Variants in PPP2R3A observed in about 807,000 individuals in gnomAD.
PPP2R3A encodes serine/threonine-protein phosphatase 2A regulatory subunit B'' subunit alpha.
In PPP2R3A, 80 loss-of-function variants were observed where a neutral mutation model predicts 106.9. The ratio of observed to expected loss-of-function variants is 0.75; its 90% CI spans 0.62 to 0.90. The LOEUF (loss-of-function observed/expected upper bound fraction) is 0.90. Among genes scored for constraint, PPP2R3A ranks in the 40% least tolerant of loss-of-function variants. The pLI is 0.00. For missense variants in PPP2R3A, 1,386 were observed against 1,350.4 expected (o/e 1.03, Z -0.41); for synonymous variants, 483 against 468.3 (o/e 1.03, Z -0.41).
At chr3:136,140,451 A>G (rs566301882) in intron 13 of PPP2R3A, among the ~76,000 whole-genome samples, 3,369 of 149,888 alleles carry the variant, frequency 0.022, 52 homozygotes, top group Non-Finnish European at 0.033. Flanking sequence ...TTAAAAAAAA[A>G]AAAAAAAAAA....
At chr3:136,054,855 C>G (rs977964252) in intron 5 of PPP2R3A, among the ~76,000 whole-genome samples, 3 of 152,148 alleles carry the variant, frequency 2.0e-5, no homozygotes, top group Non-Finnish European at 4.4e-5. Context: ...GTCTCAATTT[C>G]CTGTTTGCAA....
rs1933696602 is a variant in PPP2R3A at position 136,002,957 on chromosome 3, T to A, written c.1459T>A (p.Ser487Thr). Reference sequence around the variant, plus strand: ...TAATCTACCTAAGGAAGACTGTAAATCAAAAGTTTCTAAATTTGAAGAGGG... The same window carrying A: ...TAATCTACCTAAGGAAGACTGTAAAACAAAAGTTTCTAAATTTGAAGAGGG... ...FVNLPKEDCK[S>T]KVSKFEEGDQ... Residue 487 changes from serine to threonine, a missense_variant, in exon 2 of 14, where the codon TCA (serine) becomes ACA (threonine). Physicochemically the swap from Ser to Thr is moderately conservative, Grantham distance 58 (BLOSUM62 1). Transcript: ENST00000264977. 2 of 1,612,468 alleles carry A rather than the reference T, an allele frequency of 1.2e-6. No homozygotes were observed. Among genetic ancestry groups the A allele is most frequent in the Non-Finnish European group, 1.7e-6 (2 of 1,179,624 alleles).
At chr3:136,031,407 C>T (rs755669770) in intron 3 of PPP2R3A, among the ~76,000 whole-genome samples, 1 of 152,066 alleles carries the variant, frequency 6.6e-6, no homozygotes, top group East Asian at 1.9e-4. Context: ...GATATTAGTC[C>T]TTTGTCAGAT....
At chr3:136,138,941 C>T (rs958709496) in intron 13 of PPP2R3A, among the ~76,000 whole-genome samples, 11 of 151,850 alleles carry the variant, frequency 7.2e-5, no homozygotes, top group South Asian at 2.1e-4. Context: ...GAACTCCCAA[C>T]CTCAGGTGAT....
intron 13 of PPP2R3A, among the ~76,000 whole-genome samples, chr3:136,113,044 A>G (rs1189744750): frequency 1.3e-5 from 2 of 152,098 alleles, no homozygotes; most frequent in Non-Finnish European, 1.5e-5. Context: ...GAGGCAGGAA[A>G]ATCGCTTGAG....
At chr3:136,062,578 C>T (rs1028888375) in intron 5 of PPP2R3A, among the ~76,000 whole-genome samples, 29 of 151,986 alleles carry the variant, frequency 1.9e-4, no homozygotes, top group African/African-American at 5.5e-4. Flanking sequence ...ATTAGCCAGG[C>T]GTGGTGGTGG....
chr3:136,068,928 TGTG>T (rs1422274751), intron 5 of PPP2R3A, among the ~76,000 whole-genome samples: 19 of 152,224 alleles, frequency 1.2e-4, no homozygotes, highest in African/African-American at 4.6e-4. Context: ...CTGCCAAAAA[TGTG>T]TAACCTTAAT....
In PPP2R3A at chr3:136,146,852, T is replaced by C. The variant is rs1052452209; in HGVS notation, c.*1686T>C. 7 of 151,594 alleles carry C rather than the reference T, an allele frequency of 4.6e-5. No homozygotes were observed. The highest frequency in any genetic ancestry group is 1.7e-4 in the African/African-American group (7 of 41,174). The allele number at this position is 151,594 out of a possible 1,614,324, so 9.4% of individuals were successfully genotyped here. On this transcript the variant is annotated 3_prime_UTR_variant, in exon 14 of 14. Coordinates refer to ENST00000264977, the MANE Select transcript of PPP2R3A (RefSeq NM_002718.5). ...CCAGGGAAGAAAAGCAATTATTTCA[T>C]TTCAGATAGAAATACAAAAAAAAAA... is the stretch of plus-strand genomic sequence containing the variant.
intron 1 of PPP2R3A, among the ~76,000 whole-genome samples, chr3:135,974,850 G>A (rs1408369781): frequency 2.0e-5 from 3 of 152,210 alleles, no homozygotes; most frequent in African/African-American, 7.2e-5. Flanking sequence ...TGTGAGATTA[G>A]AAATAAAAAG....
At chr3:136,144,983 G>C in intron 13 of PPP2R3A, 60 bp from the exon 14 acceptor site, 2 of 1,565,330 alleles carry the variant, frequency 1.3e-6, no homozygotes, top group Admixed American at 1.8e-5. Flanking sequence ...TTGCCATATT[G>C]ATTTCTACCC....
At chr3:136,128,415 A>G (rs1938269028) in intron 13 of PPP2R3A, among the ~76,000 whole-genome samples, 1 of 152,104 alleles carries the variant, frequency 6.6e-6, no homozygotes, top group African/African-American at 2.4e-5. Flanking sequence ...ATCAAAAGAG[A>G]CAAAGAAGGC....
At chr3:136,005,266 G>A (rs977874797) in intron 2 of PPP2R3A, among the ~76,000 whole-genome samples, 1 of 151,994 alleles carries the variant, frequency 6.6e-6, no homozygotes, top group Non-Finnish European at 1.5e-5. Flanking sequence ...CCATCCCCAA[G>A]GTATCCCATT....
intron 3 of PPP2R3A, among the ~76,000 whole-genome samples, chr3:136,031,048 G>A (rs1934870106): frequency 6.6e-6 from 1 of 152,046 alleles, no homozygotes; most frequent in South Asian, 2.1e-4. Context: ...TCTCCACACT[G>A]TTTTCCATAG....
At chr3:136,004,622 G>A (rs773091615) in intron 2 of PPP2R3A, among the ~76,000 whole-genome samples, 3 of 152,206 alleles carry the variant, frequency 2.0e-5, no homozygotes, top group Non-Finnish European at 2.9e-5. Context: ...AAGCCAAATC[G>A]ACAAAAGCAA....
intron 5 of PPP2R3A, chr3:136,055,660 G>C: frequency 8.5e-7 from 1 of 1,175,520 alleles, no homozygotes; most frequent in Non-Finnish European, 1.2e-6. Context: ...TACAGAGGTT[G>C]TTCATAAGGA....
chr3:135,982,915 A>G (rs143391761), intron 1 of PPP2R3A, among the ~76,000 whole-genome samples: 71 of 152,308 alleles, frequency 4.7e-4, no homozygotes, highest in East Asian at 7.7e-4. Flanking sequence ...AGGTGGTACT[A>G]TTGAGCCCAC....
At chr3:136,131,141 A>G (rs1232917187) in intron 13 of PPP2R3A, among the ~76,000 whole-genome samples, 1 of 152,240 alleles carries the variant, frequency 6.6e-6, no homozygotes, top group Non-Finnish European at 1.5e-5. Flanking sequence ...AATGGCAACA[A>G]AAGCCAAAAT....
At chr3:135,999,111 T>A (rs1559859434) in intron 1 of PPP2R3A, among the ~76,000 whole-genome samples, 1 of 152,188 alleles carries the variant, frequency 6.6e-6, no homozygotes, top group South Asian at 2.1e-4. Context: ...TTGGCATCAT[T>A]CTCCCAGGGT....
intron 13 of PPP2R3A, among the ~76,000 whole-genome samples, chr3:136,139,952 G>C (rs1483654368): frequency 1.3e-5 from 2 of 149,716 alleles, no homozygotes; most frequent in African/African-American, 4.9e-5. Context: ...GTTGCAGTGA[G>C]CTGAGATAGT....
Sources: gnomAD v4.1 joint callset for allele counts (sites outside exome capture counted in the v4.1 genomes callset) on GRCh38, gnomAD v4.1.1 for gene constraint, MANE v1.5 for transcripts, NCBI Gene and HGNC (gene_info 2026-07-23, HGNC 2026-07-21) for gene names.